UPP2: variants seen among roughly 807,000 people sequenced by gnomAD.
UPP2 encodes the protein uridine phosphorylase 2, also known as UPase 2.
Under a neutral mutation model 26.7 loss-of-function variants are expected in UPP2, and 23 were observed. The observed-to-expected ratio is 0.86, with a 90% confidence interval of 0.62 to 1.22. The LOEUF (loss-of-function observed/expected upper bound fraction) is 1.22. Among genes scored for constraint, UPP2 ranks in the 50% most tolerant of loss-of-function variants. UPP2 has a pLI of 0.00. For synonymous variants in UPP2, 127 were observed against 141.3 expected (o/e 0.90, Z 0.72); for missense variants, 387 against 396.7 (o/e 0.98, Z 0.21).
intron 3 of UPP2, among the ~76,000 whole-genome samples, chr2:158,088,122 T>C (rs1682846474): frequency 6.6e-6 from 1 of 152,224 alleles, no homozygotes; most frequent in Non-Finnish European, 1.5e-5. Context: ...ACACCAATTA[T>C]TCCTAGGTTC....
intron 5 of UPP2, among the ~76,000 whole-genome samples, 172 bp from the exon 6 acceptor site, chr2:158,123,577 C>G (rs10489992): frequency 5.0e-4 from 76 of 152,324 alleles, no homozygotes; most frequent in Middle Eastern, 6.8e-3. Flanking sequence ...GGGACAGCAT[C>G]GCTCCACAGT....
At chr2:158,020,881 A>G (rs74573124) in intron 3 of UPP2, among the ~76,000 whole-genome samples, 2,872 of 152,356 alleles carry the variant, frequency 0.019, 99 homozygotes, top group African/African-American at 0.065. Context: ...ACATAATTAC[A>G]GGAAAATATT....
intron 3 of UPP2, among the ~76,000 whole-genome samples, chr2:158,076,780 C>T (rs1380264614): frequency 1.3e-5 from 2 of 152,156 alleles, no homozygotes; most frequent in East Asian, 1.9e-4. Context: ...TGCCTGCTTT[C>T]ACCACTGTTA....
At chr2:158,116,584 G>T (rs1683435903) in intron 3 of UPP2, among the ~76,000 whole-genome samples, 1 of 152,160 alleles carries the variant, frequency 6.6e-6, no homozygotes, top group Non-Finnish European at 1.5e-5. Context: ...TCCAGTAGTG[G>T]TTGAATGGGG....
chr2:158,070,576 A>G (rs2105186601), intron 3 of UPP2, among the ~76,000 whole-genome samples: 1 of 152,320 alleles, frequency 6.6e-6, no homozygotes, highest in Middle Eastern at 3.4e-3. Context: ...ATTTTTCACT[A>G]AAAATATTAA....
At chr2:158,118,703 G>A (rs1328084571) in intron 4 of UPP2, among the ~76,000 whole-genome samples, 3 of 152,072 alleles carry the variant, frequency 2.0e-5, no homozygotes, top group Non-Finnish European at 1.5e-5. Flanking sequence ...TTGACAGGGC[G>A]ATAGAACTGA....
chr2:158,007,674 C>T (rs151229284), intron 2 of UPP2, among the ~76,000 whole-genome samples: 2 of 149,808 alleles, frequency 1.3e-5, no homozygotes, highest in Non-Finnish European at 2.9e-5. Flanking sequence ...GTCGCTCAGA[C>T]TGGAGTGCAG....
intron 3 of UPP2, among the ~76,000 whole-genome samples, chr2:158,033,823 T>C (rs996623762): frequency 1.3e-5 from 2 of 152,230 alleles, no homozygotes; most frequent in Non-Finnish European, 2.9e-5. Flanking sequence ...TCTTAAAACA[T>C]GCAGTTTCAC....
intron 6 of UPP2, 89 bp from the exon 7 acceptor site, chr2:158,134,653 AGTACAT>A: frequency 7.3e-7 from 1 of 1,365,478 alleles, no homozygotes; most frequent in Non-Finnish European, 9.6e-7. Context: ...AATACACAAA[AGTACAT>A]GTGCTAGGGA....
At chr2:158,018,811 C>T (rs560701465) in intron 3 of UPP2, among the ~76,000 whole-genome samples, 2 of 152,278 alleles carry the variant, frequency 1.3e-5, no homozygotes, top group South Asian at 2.1e-4. Context: ...ATCTTTATAT[C>T]TCCTTTTCCT....
chr2:158,077,708 T>C (rs13027617), intron 3 of UPP2, among the ~76,000 whole-genome samples: 12,917 of 151,850 alleles, frequency 0.085, 757 homozygotes, highest in Non-Finnish European at 0.12. Context: ...TTGGGAAACA[T>C]TGGATTGGCT....
intron 2 of UPP2, among the ~76,000 whole-genome samples, chr2:158,014,599 A>G (rs567065038): frequency 1.3e-5 from 2 of 152,346 alleles, no homozygotes; most frequent in South Asian, 2.1e-4. Flanking sequence ...CTGCGTGGCT[A>G]TATTTCTTCA....
intron 3 of UPP2, among the ~76,000 whole-genome samples, chr2:158,116,707 C>A (rs973850049): frequency 7.9e-5 from 12 of 152,124 alleles, no homozygotes; most frequent in African/African-American, 2.9e-4. Flanking sequence ...TCTAATAGAT[C>A]AAATAATAGT....
At chr2:158,094,046 T>C (rs1682951403) in intron 3 of UPP2, among the ~76,000 whole-genome samples, 1 of 151,100 alleles carries the variant, frequency 6.6e-6, no homozygotes, top group Non-Finnish European at 1.5e-5. Context: ...ACATATACCA[T>C]ATACATACAC....
chr2:158,071,537 C>A (rs552101926), intron 3 of UPP2, among the ~76,000 whole-genome samples: 1 of 102,830 alleles, frequency 9.7e-6, no homozygotes, highest in African/African-American at 4.1e-5. Context: ...GGCAAAGAAG[C>A]GAGATTCTGT....
In UPP2 at chr2:158,134,319, T is replaced by C. The variant is rs553160137; in HGVS notation, c.812-429T>C. Among the ~76,000 whole-genome samples, 20 of 152,328 alleles carry C rather than the reference T, an allele frequency of 1.3e-4. 1 individual carries two copies. The South Asian group carries it at 3.9e-3, about 30-fold the overall frequency. ...CAATGCAGCAGGCAAACTCAACCAT[T>C]GCACCAAGGAGAAAAATGTCACCTT... On this transcript the variant is annotated intron_variant, in intron 6 of 6. Transcript: ENST00000005756.
At chr2:158,038,487 G>A (rs1684036747) in intron 3 of UPP2, among the ~76,000 whole-genome samples, 1 of 152,256 alleles carries the variant, frequency 6.6e-6, no homozygotes, top group African/African-American at 2.4e-5. Flanking sequence ...TCACTGGGCA[G>A]ATGCTGGAAT....
At chr2:158,115,716 A>T (rs1683415549) in intron 3 of UPP2, among the ~76,000 whole-genome samples, 2 of 152,218 alleles carry the variant, frequency 1.3e-5, no homozygotes, top group Admixed American at 1.3e-4. Context: ...ACTCTCCTGC[A>T]TTTAGAACAT....
intron 3 of UPP2, among the ~76,000 whole-genome samples, chr2:158,089,006 T>C (rs1028851338): frequency 2.0e-5 from 3 of 152,052 alleles, no homozygotes; most frequent in Admixed American, 6.6e-5. Context: ...GCTGTGATAG[T>C]GTAGGGAGGA....
Sources: gnomAD v4.1 joint callset for allele counts (sites outside exome capture counted in the v4.1 genomes callset) on GRCh38, gnomAD v4.1.1 for gene constraint, MANE v1.5 for transcripts, NCBI Gene and HGNC (gene_info 2026-07-23, HGNC 2026-07-21) for gene names.